Variants in TRIM5 observed in about 807,000 individuals in gnomAD.
TRIM5 encodes tripartite motif containing 5.
In TRIM5, 31 loss-of-function variants were observed where a neutral mutation model predicts 35.6. That is an observed-to-expected ratio of 0.87 (90% CI 0.65 to 1.18). The LOEUF (loss-of-function observed/expected upper bound fraction) is 1.18. TRIM5 is among the 50% of genes most tolerant of loss of function. The pLI, the probability that TRIM5 is intolerant of heterozygous loss-of-function variation, is 0.00. For synonymous variants in TRIM5, 243 were observed against 215.6 expected (o/e 1.13, Z -1.11); for missense variants, 609 against 591.6 (o/e 1.03, Z -0.31).
At chr11:5,603,438 T>C in the TRIM5 span, 1 of 1,613,966 alleles carries the variant, frequency 6.2e-7, no homozygotes, top group Non-Finnish European at 8.5e-7. Flanking sequence ...TCACACCAAA[T>C]GGCAGGGAAT....
the TRIM5 span, chr11:5,641,188 T>C: frequency 1.2e-6 from 2 of 1,613,866 alleles, no homozygotes. Flanking sequence ...AATCATGAAA[T>C]GGTGCGTATG....
chr11:5,632,905 C>A, the TRIM5 span: 1 of 1,095,012 alleles, frequency 9.1e-7, no homozygotes, highest in African/African-American at 1.7e-5. Flanking sequence ...CGGCTCACTG[C>A]AACCTCTGCC....
At chr11:5,675,688 G>GT (rs888486716) in intron 4 of TRIM5, among the ~76,000 whole-genome samples, 57 of 147,756 alleles carry the variant, frequency 3.9e-4, no homozygotes, top group Middle Eastern at 3.5e-3. Context: ...CTTCTGTTGT[G>GT]TTTTTTTTGT....
chr11:5,604,499 C>T, the TRIM5 span: 1 of 1,594,050 alleles, frequency 6.3e-7, no homozygotes, highest in South Asian at 1.2e-5. Context: ...CAACTGAAGG[C>T]TTGATCCTGC....
chr11:5,684,394 T>A (rs1852850932), intron 1 of TRIM5, among the ~76,000 whole-genome samples: 1 of 140,164 alleles, frequency 7.1e-6, no homozygotes, highest in Admixed American at 7.4e-5. Flanking sequence ...TTGTAACCAA[T>A]ATGAACTAGG....
the TRIM5 span, among the ~76,000 whole-genome samples, chr11:5,607,160 C>G: frequency 1.3e-5 from 2 of 151,950 alleles, no homozygotes; most frequent in Non-Finnish European, 2.9e-5. Flanking sequence ...GCCGAGATCG[C>G]ACCACTGCAC....
the TRIM5 span, among the ~76,000 whole-genome samples, chr11:5,639,425 AAT>A: frequency 2.0e-5 from 3 of 152,092 alleles, no homozygotes; most frequent in Admixed American, 2.0e-4. Context: ...TCACACCTGT[AAT>A]CCCAGCACTT....
At chr11:5,608,827 G>T in the TRIM5 span, among the ~76,000 whole-genome samples, 32 of 143,862 alleles carry the variant, frequency 2.2e-4, no homozygotes, top group African/African-American at 7.4e-4. Flanking sequence ...AAAATACACA[G>T]GAATTTTCTT....
chr11:5,589,167 C>G, the TRIM5 span: 1 of 151,934 alleles, frequency 6.6e-6, no homozygotes, highest in Non-Finnish European at 1.5e-5. Context: ...ATAATAAATA[C>G]AGTGGAGCAT....
intron 4 of TRIM5, among the ~76,000 whole-genome samples, chr11:5,672,367 A>G (rs560219781): frequency 1.3e-5 from 2 of 152,072 alleles, no homozygotes; most frequent in African/African-American, 2.4e-5. Context: ...ACGTGCCACC[A>G]TGTCCAGCTA....
chr11:5,684,368 T>A (rs1852849094), intron 1 of TRIM5, among the ~76,000 whole-genome samples: 1 of 151,776 alleles, frequency 6.6e-6, no homozygotes, highest in African/African-American at 2.4e-5. Flanking sequence ...CCTGCTTGCC[T>A]TTTTTCCCAT....
chr11:5,645,366 T>G, the TRIM5 span, among the ~76,000 whole-genome samples: 44 of 132,848 alleles, frequency 3.3e-4, no homozygotes, highest in Admixed American at 2.7e-3. Flanking sequence ...CACTCCAGCC[T>G]GGGCAACAAG....
chr11:5,617,035 C>CT, the TRIM5 span, among the ~76,000 whole-genome samples: 2,686 of 126,616 alleles, frequency 0.021, 280 homozygotes, highest in African/African-American at 0.072. Context: ...CCACGCCCAG[C>CT]TTTTTTTTTT....
In TRIM5 at chr11:5,675,267, T is replaced by G. The variant is rs78740891; in HGVS notation, c.744+2937A>C. Among the ~76,000 whole-genome samples, 33 of 152,166 alleles carry G rather than the reference T, an allele frequency of 2.2e-4. No homozygotes were observed. In the East Asian group the frequency reaches 2.9e-3, roughly 13 times the overall value. On this transcript the variant is annotated intron_variant, in intron 4 of 7. Coordinates refer to ENST00000380034, the MANE Select transcript of TRIM5 (RefSeq NM_033034.3). ...AAATATGCGGCCCCTTGTTCAAAAT[T>G]TATTAAACATTTCAAGATGATGACA...
At chr11:5,603,750 T>TG in the TRIM5 span, 2 of 1,611,422 alleles carry the variant, frequency 1.2e-6, no homozygotes, top group South Asian at 2.2e-5. Context: ...GACCCCAGGA[T>TG]GGAATGGGAG....
chr11:5,588,944 T>C, the TRIM5 span: 1 of 151,974 alleles, frequency 6.6e-6, no homozygotes, highest in Non-Finnish European at 1.5e-5. Context: ...TCACCACACC[T>C]GGCTAATTTT....
At chr11:5,613,299 G>A in the TRIM5 span, among the ~76,000 whole-genome samples, 6 of 152,208 alleles carry the variant, frequency 3.9e-5, no homozygotes, top group East Asian at 7.7e-4. Context: ...GGCCCCTGCC[G>A]TTAGTCCTCA....
At chr11:5,608,865 T>A in the TRIM5 span, among the ~76,000 whole-genome samples, 1 of 147,874 alleles carries the variant, frequency 6.8e-6, no homozygotes, top group Non-Finnish European at 1.5e-5. Context: ...TTTTTTTTTT[T>A]TTTGAGACAG....
chr11:5,598,707 A>G, the TRIM5 span, among the ~76,000 whole-genome samples: 4 of 152,232 alleles, frequency 2.6e-5, no homozygotes, highest in East Asian at 5.8e-4. Context: ...CTCAAGAGCC[A>G]TATCTGGCTA....
Sources: gnomAD v4.1 joint callset for allele counts (sites outside exome capture counted in the v4.1 genomes callset) on GRCh38, gnomAD v4.1.1 for gene constraint, MANE v1.5 for transcripts, NCBI Gene and HGNC (gene_info 2026-07-23, HGNC 2026-07-21) for gene names.